Variants in AATK observed in about 807,000 individuals in gnomAD.
The protein encoded by AATK is serine/threonine-protein kinase LMTK1.
Under a neutral mutation model 114.3 loss-of-function variants are expected in AATK, and 91 were observed. The ratio of observed to expected loss-of-function variants is 0.80; its 90% CI spans 0.67 to 0.95. The LOEUF (loss-of-function observed/expected upper bound fraction) is 0.95. AATK is among the 40% of genes least tolerant of loss of function. The probability of loss-of-function intolerance (pLI) is 0.00; values close to 1 mark genes in which losing one functional copy is unlikely to be tolerated. For missense variants in AATK, 2,176 were observed against 1,965.2 expected (o/e 1.11, Z -2.03); for synonymous variants, 1,075 against 916.5 (o/e 1.17, Z -3.12).
At position 81,159,520 on chromosome 17, in the gene AATK, C is replaced by T. The variant is rs186145144; in HGVS notation, c.55+6418G>A. Among the ~76,000 whole-genome samples the T allele has an allele frequency of 2.3e-3, 353 of 152,194 alleles. 1 individual carries two copies. The highest frequency in any genetic ancestry group is 7.8e-3 in the African/African-American group (323 of 41,528). ...CCACACGCCTTTTTCGCAGGGGGTT[C>T]GAGGAAATTCCACGTGGGCCTCACA... is the stretch of plus-strand genomic sequence containing the variant. On this transcript the variant is annotated intron_variant, in intron 1 of 13. Coordinates refer to ENST00000326724, the MANE Select transcript of AATK (RefSeq NM_001080395.3).
At position 81,121,627 on chromosome 17, in the gene AATK, C is replaced by T. The variant is rs754322629; in HGVS notation, c.2309G>A (p.Ser770Asn). The T allele has an allele frequency of 2.7e-6, 4 of 1,491,048 alleles. No individual in the cohort carries two copies. The highest frequency in any genetic ancestry group is 3.6e-6 in the Non-Finnish European group (4 of 1,122,478). The allele number at this position is 1,491,048 out of a possible 1,614,324, so 92.4% of individuals were successfully genotyped here. The stretch of plus-strand genomic sequence containing the variant: ...TGCCTGCGGGTGGTCACCCCCACTA[C>T]TGGCTGTCTCTGTCCAGGAGGGTGT... ...LVTPSWTETASSGGDHPQAEP... is the reference protein window; with the variant it reads ...LVTPSWTETANSGGDHPQAEP... The change falls in exon 11 of 14, where the codon AGT becomes AAT. Residue 770 changes from serine (S) to asparagine (N), a missense_variant. Transcript: ENST00000326724.
chr17:81,165,974 TGAA>T lies in AATK; in HGVS notation c.16_18del (p.Phe6del). 2 of 1,585,178 alleles carry T rather than the reference TGAA, an allele frequency of 1.3e-6. No individual in the cohort carries two copies. Among genetic ancestry groups the T allele is most frequent in the Non-Finnish European group, 8.6e-7 (1 of 1,167,628 alleles). ...TGCGAGCTGAAGGCGAAGCTGGGGT[TGAA>T]GAAGGACGACGACATGGCCGGGCCA... On this transcript the variant is annotated inframe_deletion, in exon 1 of 14. Transcript: ENST00000326724.
chr17:81,123,203 G>A lies in AATK; in HGVS notation c.1103C>T (p.Ser368Leu), dbSNP rs376326115. ...LPKPQLQLTLSDRWYEVMQFC... is the reference protein window; with the variant it reads ...LPKPQLQLTLLDRWYEVMQFC... ...GCAGTGGGGCCCTCACCAGCGGTCC[G>A]ACAGGGTCAGCTGCAGCTGGGGCTT... is the stretch of plus-strand genomic sequence containing the variant. The change falls in exon 10 of 14, where the codon TCG (serine) becomes TTG (leucine). Residue 368 changes from serine (S) to leucine (L), a missense_variant. Physicochemically the swap from Ser to Leu is moderately radical, Grantham distance 145 (BLOSUM62 -2). Coordinates refer to ENST00000326724, the MANE Select transcript of AATK (RefSeq NM_001080395.3). The A allele has an allele frequency of 9.8e-6, 14 of 1,425,184 alleles. No individual in the cohort carries two copies. Among genetic ancestry groups the A allele is most frequent in the African/African-American group, 6.0e-5 (4 of 66,330 alleles). 88.3% of individuals were successfully genotyped at this position (1,425,184 alleles called of 1,614,324 possible). A position where few individuals can be genotyped will look rare whatever the true frequency, so the allele number is the denominator to read the frequency against.
chr17:81,159,717 C>A (rs4969413), intron 1 of AATK, among the ~76,000 whole-genome samples: 125,357 of 151,684 alleles, frequency 0.83, 51,901 homozygotes, highest in East Asian at 0.97. Flanking sequence ...ATCCTCACAC[C>A]GAGGACGGCA....
intron 1 of AATK, among the ~76,000 whole-genome samples, chr17:81,158,281 C>T (rs2061391052): frequency 6.6e-6 from 1 of 152,226 alleles, no homozygotes; most frequent in Non-Finnish European, 1.5e-5. Context: ...GTCCGTCCTC[C>T]CCGTCATTCA....
At position 81,124,913 on chromosome 17, in the gene AATK, C is replaced by T; in HGVS notation, c.840+17G>A. 6.4e-7 allele frequency: 1 copy of T among 1,560,688 alleles called. No individual in the cohort carries two copies. Among genetic ancestry groups the T allele is most frequent in the South Asian group, 1.2e-5 (1 of 84,250 alleles). ...CCTGCCCCTCATGCCCAGCCCAGCC[C>T]ACCCCACCCCACTCACTCTGTACTT... On this transcript the variant is annotated intron_variant, in intron 8 of 13. Coordinates refer to ENST00000326724, the MANE Select transcript of AATK (RefSeq NM_001080395.3).
rs117628515 is a variant in AATK at position 81,126,174 on chromosome 17, G to A, written c.755+253C>T. 8.5e-5 allele frequency among the ~76,000 whole-genome samples: 13 copies of A among 152,300 alleles called. 1 individual carries two copies. The South Asian group carries it at 1.9e-3, about 22-fold the overall frequency. On this transcript the variant is annotated intron_variant, in intron 7 of 13. Coordinates refer to ENST00000326724, the MANE Select transcript of AATK (RefSeq NM_001080395.3). This position sits in a 1 kb window ranked among gnomAD's most constrained non-coding sequence, Gnocchi z 5.1. ...CTGCAGGGTGCTGGCTGACTGCCTC[G>A]GGGACAGAGAACAGGCCAGCTTGAC... is the stretch of plus-strand genomic sequence containing the variant.
At chr17:81,138,483 G>A (rs1422359644) in intron 1 of AATK, among the ~76,000 whole-genome samples, 1 of 136,564 alleles carries the variant, frequency 7.3e-6, no homozygotes, top group African/African-American at 2.9e-5. Flanking sequence ...ATGCACACAT[G>A]CATGCACACA....
chr17:81,138,602 ACGCACAACACACACACAT>A (rs1360921077), intron 1 of AATK, among the ~76,000 whole-genome samples: 1 of 146,170 alleles, frequency 6.8e-6, no homozygotes, highest in Non-Finnish European at 1.5e-5. Flanking sequence ...GCACACCCAC[ACGCACAACACACACACAT>A]ACCCACACAC....
chr17:81,160,323 C>T, intron 1 of AATK: 1 of 926,430 alleles, frequency 1.1e-6, no homozygotes. Context: ...GCCCCAGCCC[C>T]ACCCAAGGCC....
intron 6 of AATK, among the ~76,000 whole-genome samples, chr17:81,127,170 G>C (rs2060848933): frequency 6.6e-6 from 1 of 151,872 alleles, no homozygotes; most frequent in South Asian, 2.1e-4. Context: ...TTGATGGGCA[G>C]GCCCAGAACT....
Position 81,132,354 on chromosome 17 carries a change from G to C in AATK, c.190-1149C>G, listed in dbSNP as rs562752267. Among the ~76,000 whole-genome samples, 45 of 152,306 alleles carry C rather than the reference G, an allele frequency of 3.0e-4. No homozygotes were observed. The Middle Eastern group carries it at 0.017, about 58-fold the overall frequency. On this transcript the variant is annotated intron_variant, in intron 2 of 13. Transcript: ENST00000326724. ...GAGGCCTGGGCTCCTCAAGTACGAC[G>C]TGTGACCCTGGGGACGCCTCCCTTC...
chr17:81,153,939 C>G (rs979006762), intron 1 of AATK, among the ~76,000 whole-genome samples: 2 of 152,048 alleles, frequency 1.3e-5, no homozygotes, highest in Non-Finnish European at 2.9e-5. Flanking sequence ...AGCGTGGTGG[C>G]GGGCACCTGT....
chr17:81,141,928 C>CTTCCT (rs376283099), intron 1 of AATK, among the ~76,000 whole-genome samples: 12 of 77,118 alleles, frequency 1.6e-4, no homozygotes, highest in African/African-American at 4.4e-4. Flanking sequence ...TCCTTCCTTC[C>CTTCCT]TTCCTTCCTT....
At chr17:81,154,898 G>A (rs1318375452) in intron 1 of AATK, among the ~76,000 whole-genome samples, 3 of 152,116 alleles carry the variant, frequency 2.0e-5, no homozygotes, top group Admixed American at 6.5e-5. Flanking sequence ...CCAAACTGCT[G>A]GGATGACAGG....
chr17:81,125,072 T>A (rs1421572392), intron 7 of AATK, 58 bp from the exon 8 acceptor site: 12 of 958,742 alleles, frequency 1.3e-5, no homozygotes, highest in African/African-American at 1.8e-5. Flanking sequence ...GTGTGCCGGG[T>A]GGGGGCAGGG....
At chr17:81,138,170 CACTT>C (rs200186008) in intron 1 of AATK, among the ~76,000 whole-genome samples, 3,477 of 151,452 alleles carry the variant, frequency 0.023, 128 homozygotes, top group African/African-American at 0.077. Flanking sequence ...TGCACACACA[CACTT>C]ACCCACACAT....
intron 1 of AATK, among the ~76,000 whole-genome samples, chr17:81,142,821 C>T (rs2061158101): frequency 6.6e-6 from 1 of 151,754 alleles, no homozygotes; most frequent in Non-Finnish European, 1.5e-5. Context: ...CCCCCAAAGT[C>T]CACTTGACTT....
rs142104716 is a variant in AATK, at chr17:81,132,829, G to A, written c.189+1539C>T. 1.4e-3 allele frequency: 323 copies of A among 231,112 alleles called. 2 individuals carry two copies. The highest frequency in any genetic ancestry group is 9.6e-3 in the Middle Eastern group (20 of 2,092). The allele number at this position is 231,112 out of a possible 1,614,324, so 14.3% of individuals were successfully genotyped here. A position where few individuals can be genotyped will look rare whatever the true frequency, so the allele number is the denominator to read the frequency against. ...CAGTGTGGAGGCAGGACTTCCCAGG[G>A]GCACACTGGTGCTGGAATGTTCCGG... is the stretch of plus-strand genomic sequence containing the variant. On this transcript the variant is annotated intron_variant, in intron 2 of 13. Coordinates refer to ENST00000326724, the MANE Select transcript of AATK (RefSeq NM_001080395.3).
Sources: gnomAD v4.1 joint callset for allele counts (sites outside exome capture counted in the v4.1 genomes callset) on GRCh38, gnomAD v4.1.1 for gene constraint, Gnocchi (gnomAD v3.1) non-coding constraint, MANE v1.5 for transcripts, NCBI Gene and HGNC (gene_info 2026-07-23, HGNC 2026-07-21) for gene names.